Variants in MAP3K5 observed in about 807,000 individuals in gnomAD.
The protein encoded by MAP3K5 is ASK-1.
A neutral mutation model predicts 158.7 loss-of-function variants in MAP3K5; 56 were observed. The ratio of observed to expected loss-of-function variants is 0.35; its 90% CI spans 0.28 to 0.44. The LOEUF is 0.44. Ranked by LOEUF, MAP3K5 falls within the 20% of genes least tolerant of loss-of-function variation. MAP3K5 has a pLI of 1.00. For synonymous variants in MAP3K5, 579 were observed against 601.7 expected (o/e 0.96, Z 0.55); for missense variants, 1,294 against 1,674.8 (o/e 0.77, Z 3.97).
At position 136,772,100 on chromosome 6, in the gene MAP3K5, G is replaced by T. The variant is rs1352011481; in HGVS notation, c.448+19610C>A. On this transcript the variant is annotated intron_variant, in intron 1 of 29. Coordinates refer to ENST00000359015, the MANE Select transcript of MAP3K5 (RefSeq NM_005923.4). ...ATTTTTGTATTTTTTAGTAGAAATG[G>T]GGGGGGGGGGTTTACCATGTTGGCC... Among the ~76,000 whole-genome samples, 3 of 121,782 alleles carry T rather than the reference G, an allele frequency of 2.5e-5. 1 individual carries two copies. Among genetic ancestry groups the T allele is most frequent in the Non-Finnish European group, 1.7e-5 (1 of 59,682 alleles). 79.9% of individuals were successfully genotyped at this position (121,782 alleles called of 152,430 possible).
At chr6:136,791,428 G>A (rs1273477217) in intron 1 of MAP3K5, among the ~76,000 whole-genome samples, 1 of 152,062 alleles carries the variant, frequency 6.6e-6, no homozygotes, top group Non-Finnish European at 1.5e-5. Context: ...ATCTCACACT[G>A]CTGGAGAACA....
upstream of MAP3K5, among the ~76,000 whole-genome samples, chr6:136,792,697 G>A (rs1391082229): frequency 1.3e-5 from 2 of 152,208 alleles, no homozygotes; most frequent in African/African-American, 4.8e-5. The surrounding 1 kb of genome is among the most constrained non-coding windows in gnomAD (Gnocchi z 5.7). Flanking sequence ...AGCAGCGGCA[G>A]CCGAAAGGAC....
intron 11 of MAP3K5, among the ~76,000 whole-genome samples, chr6:136,643,417 T>A (rs1173865769): frequency 6.6e-6 from 1 of 152,202 alleles, no homozygotes; most frequent in African/African-American, 2.4e-5. Context: ...GGCAATAAAC[T>A]GACACTGACA....
chr6:136,588,483 T>TA (rs1184456389), intron 23 of MAP3K5, among the ~76,000 whole-genome samples: 1 of 152,218 alleles, frequency 6.6e-6, no homozygotes, highest in African/African-American at 2.4e-5. Flanking sequence ...ATGTTAGCTG[T>TA]TATTACTATA....
chr6:136,698,764 A>C, intron 3 of MAP3K5, 82 bp from the exon 4 acceptor site: 3 of 875,916 alleles, frequency 3.4e-6, no homozygotes, highest in Non-Finnish European at 3.5e-6. Context: ...TACTCATTTT[A>C]AATAATTCCA....
intron 1 of MAP3K5, among the ~76,000 whole-genome samples, chr6:136,771,639 T>C (rs1333715781): frequency 6.6e-6 from 1 of 152,166 alleles, no homozygotes; most frequent in Non-Finnish European, 1.5e-5. Flanking sequence ...GCCTACTGGG[T>C]AGGCGTGCTC....
chr6:136,575,161 ATTTT>A (rs60443578), intron 25 of MAP3K5, among the ~76,000 whole-genome samples: 11 of 127,412 alleles, frequency 8.6e-5, no homozygotes, highest in Admixed American at 3.1e-4. Flanking sequence ...ATACAATACT[ATTTT>A]TTTTTTTTTT....
At position 136,605,373 on chromosome 6, in the gene MAP3K5, AC is replaced by A; in HGVS notation, c.2522-8del. The A allele has an allele frequency of 6.3e-7, 1 of 1,599,674 alleles. No homozygotes were observed. Among genetic ancestry groups the A allele is most frequent in the East Asian group, 2.2e-5 (1 of 44,652 alleles). On this transcript the variant is annotated splice_polypyrimidine_tract_variant and splice_region_variant and intron_variant, in intron 18 of 29. Transcript: ENST00000359015. ...GCCATATACTGGAGGGTACCTGGAA[AC>A]AATTCAAACACATTTCCATTTTAAA... is the stretch of plus-strand genomic sequence containing the variant.
intron 1 of MAP3K5, among the ~76,000 whole-genome samples, chr6:136,727,485 C>G (rs997907747): frequency 2.0e-5 from 3 of 152,196 alleles, no homozygotes; most frequent in African/African-American, 7.2e-5. Context: ...TTCACTGACT[C>G]ACTTCCTAAA....
intron 1 of MAP3K5, among the ~76,000 whole-genome samples, chr6:136,759,175 A>C (rs1283178142): frequency 6.6e-6 from 1 of 152,164 alleles, no homozygotes; most frequent in Non-Finnish European, 1.5e-5. Flanking sequence ...TCTAAAAAAA[A>C]TAAAATAAAA....
Position 136,622,943 on chromosome 6 carries a change from A to AC in MAP3K5, c.2054_2055insG (p.Leu686PhefsTer24). The AC allele has an allele frequency of 7.2e-6, 8 of 1,112,590 alleles. No individual in the cohort carries two copies. The highest frequency in any genetic ancestry group is 1.5e-5 in the African/African-American group (1 of 65,090). 68.9% of individuals were successfully genotyped at this position (1,112,590 alleles called of 1,614,324 possible). A position where few individuals can be genotyped will look rare whatever the true frequency, so the allele number is the denominator to read the frequency against. On this transcript the variant is annotated frameshift_variant, in exon 15 of 30. Transcript: ENST00000359015. LOFTEE classifies it high-confidence loss of function. ...CTATCCCATAAGTGCCTTTTCCTAA[A>AC]ACGACTCTGTCACCATTTTCATCAT...
intron 14 of MAP3K5, among the ~76,000 whole-genome samples, chr6:136,636,403 C>G (rs1261177646): frequency 6.6e-6 from 1 of 152,166 alleles, no homozygotes; most frequent in African/African-American, 2.4e-5. Context: ...ACATTGTTTA[C>G]AGTATTTTGT....
chr6:136,693,889 G>A (rs142641646), intron 7 of MAP3K5, among the ~76,000 whole-genome samples: 2,255 of 152,266 alleles, frequency 0.015, 56 homozygotes, highest in African/African-American at 0.05. Flanking sequence ...TGGAGAGGCT[G>A]AGGCAGGAGA....
intron 25 of MAP3K5, among the ~76,000 whole-genome samples, chr6:136,575,550 C>T (rs1012642138): frequency 1.3e-5 from 2 of 152,152 alleles, no homozygotes; most frequent in African/African-American, 2.4e-5. Flanking sequence ...TCAAGGATCC[C>T]TCATTATAAT....
intron 14 of MAP3K5, among the ~76,000 whole-genome samples, chr6:136,626,084 T>C (rs1188289233): frequency 6.6e-6 from 1 of 152,168 alleles, no homozygotes; most frequent in Non-Finnish European, 1.5e-5. Context: ...CAAAGGTAGC[T>C]CATCAGATCG....
At chr6:136,721,225 A>T (rs548246095) in intron 1 of MAP3K5, among the ~76,000 whole-genome samples, 2 of 117,108 alleles carry the variant, frequency 1.7e-5, no homozygotes, top group South Asian at 2.2e-4. Context: ...TAAGGAAATT[A>T]AAAAAAAAAA....
In MAP3K5 at chr6:136,592,634, G is replaced by T; in HGVS notation, c.2879-20C>A. On this transcript the variant is annotated intron_variant, in intron 21 of 29. Transcript: ENST00000359015. ...GATATTCTGCTTGTGATGAGAGGAG[G>T]GAAAAGATAATTGACACTTTAAAAA... 1 of 1,603,770 alleles carries T rather than the reference G, an allele frequency of 6.2e-7. No homozygotes were observed. Among genetic ancestry groups the T allele is most frequent in the South Asian group, 1.1e-5 (1 of 90,720 alleles).
intron 1 of MAP3K5, among the ~76,000 whole-genome samples, chr6:136,744,382 T>C (rs189720256): frequency 0.012 from 1,893 of 151,926 alleles, 37 homozygotes; most frequent in African/African-American, 0.044. Flanking sequence ...CATATATACA[T>C]ATATATATGT....
chr6:136,597,293 C>T (rs1775675318), intron 21 of MAP3K5, among the ~76,000 whole-genome samples: 1 of 152,208 alleles, frequency 6.6e-6, no homozygotes, highest in Admixed American at 6.5e-5. Flanking sequence ...GAGCTCCCAT[C>T]TATGGAAGGG....
Sources: gnomAD v4.1 joint callset for allele counts (sites outside exome capture counted in the v4.1 genomes callset) on GRCh38, gnomAD v4.1.1 for gene constraint, Gnocchi (gnomAD v3.1) non-coding constraint, MANE v1.5 for transcripts, NCBI Gene and HGNC (gene_info 2026-07-23, HGNC 2026-07-21) for gene names.